Variants in TBC1D16 observed in about 807,000 individuals in gnomAD.
The protein encoded by TBC1D16 is CTD-2529O21.1.
TBC1D16 carries 58 observed loss-of-function variants against 74.7 expected under a neutral mutation model. The ratio of observed to expected loss-of-function variants is 0.78; its 90% confidence interval spans 0.63 to 0.97. The LOEUF (loss-of-function observed/expected upper bound fraction) is 0.97, where lower values mean the gene tolerates loss of function less well. Among genes scored for constraint, TBC1D16 ranks in the 50% least tolerant of loss-of-function variants. The probability of loss-of-function intolerance (pLI) is 0.00; values close to 1 mark genes in which losing one functional copy is unlikely to be tolerated. For missense variants in TBC1D16, 1,014 were observed against 1,079.5 expected, an observed-to-expected ratio of 0.94 and a Z score of 0.85; for synonymous variants, 493 against 474.7, an observed-to-expected ratio of 1.04 and a Z score of -0.50.
intron 3 of TBC1D16, among the ~76,000 whole-genome samples, chr17:79,995,206 A>G (rs2035222788): frequency 6.6e-6 from 1 of 151,968 alleles, no homozygotes; most frequent in Non-Finnish European, 1.5e-5. Flanking sequence ...AGGCTGAGGT[A>G]GGAGAATTGC....
chr17:79,979,923 G>A lies in TBC1D16; in HGVS notation c.780-27105C>T, dbSNP rs1347472228. Among the ~76,000 whole-genome samples the A allele has an allele frequency of 1.3e-5, 2 of 152,096 alleles. No individual in the cohort carries two copies. The highest frequency in any genetic ancestry group is 2.9e-5 in the Non-Finnish European group (2 of 68,014). Reference sequence around the variant, plus strand: ...CGGGCCAGAGCTTGGGGCGCAGGAGGCCAAGGTCCAGGTCCCAGACACATC... The same window carrying A: ...CGGGCCAGAGCTTGGGGCGCAGGAGACCAAGGTCCAGGTCCCAGACACATC... On this transcript the variant is annotated intron_variant, in intron 3 of 11. Coordinates refer to ENST00000310924, the MANE Select transcript of TBC1D16 (RefSeq NM_019020.4). The surrounding 1 kb of genome is among the most constrained non-coding windows in gnomAD (Gnocchi z 4.8).
intron 3 of TBC1D16, among the ~76,000 whole-genome samples, chr17:80,003,861 G>C (rs537577084): frequency 6.6e-6 from 1 of 152,242 alleles, no homozygotes; most frequent in South Asian, 2.1e-4. Context: ...ACCAGCCTAG[G>C]CAACAGAGCA....
chr17:79,950,515 C>G lies in TBC1D16; in HGVS notation c.1153G>C (p.Glu385Gln), dbSNP rs756823747. Residue 385 changes from glutamate (E) to glutamine (Q), a missense_variant, in exon 6 of 12, where the codon GAG becomes CAG. Physicochemically the swap from Glu to Gln is conservative, Grantham distance 29. Transcript: ENST00000310924. The surrounding 1 kb of genome is among the most constrained non-coding windows in gnomAD (Gnocchi z 4.6). ...SIRRPKLPSSETHPEESMYKR... is the reference protein window; with the variant it reads ...SIRRPKLPSSQTHPEESMYKR... ...TACATGCTCTCCTCGGGGTGCGTCTCGGAGGACGGCAGCTTGGGGCGGCGG... is the reference window on the plus strand; with the variant it reads ...TACATGCTCTCCTCGGGGTGCGTCTGGGAGGACGGCAGCTTGGGGCGGCGG... The G allele has an allele frequency of 6.2e-7, 1 of 1,613,318 alleles. No homozygotes were observed. Among genetic ancestry groups the G allele is most frequent in the Non-Finnish European group, 8.5e-7 (1 of 1,179,890 alleles).
At chr17:80,027,487 T>C (rs2036617527) in intron 1 of TBC1D16, among the ~76,000 whole-genome samples, 1 of 152,042 alleles carries the variant, frequency 6.6e-6, no homozygotes, top group Admixed American at 6.6e-5. Context: ...TAGTCTCAGC[T>C]ACTCAGGAGG....
At chr17:79,955,323 G>C (rs1487293850) in intron 3 of TBC1D16, among the ~76,000 whole-genome samples, 2 of 152,142 alleles carry the variant, frequency 1.3e-5, no homozygotes, top group African/African-American at 4.8e-5. Context: ...CTCGAGGCCG[G>C]CTGCTGTGGG....
chr17:79,962,684 A>G (rs1283682577), intron 3 of TBC1D16, among the ~76,000 whole-genome samples: 1 of 152,006 alleles, frequency 6.6e-6, no homozygotes, highest in African/African-American at 2.4e-5. Flanking sequence ...CTGTAATTCC[A>G]GCACTTTGGG....
intron 3 of TBC1D16, among the ~76,000 whole-genome samples, chr17:79,966,734 T>C (rs899452000): frequency 2.0e-5 from 3 of 152,194 alleles, no homozygotes; most frequent in African/African-American, 7.2e-5. Flanking sequence ...CATTTGTTGA[T>C]ACAAAAACCA....
At chr17:80,015,321 C>T (rs1022097422) in intron 1 of TBC1D16, among the ~76,000 whole-genome samples, 1 of 152,114 alleles carries the variant, frequency 6.6e-6, no homozygotes, top group African/African-American at 2.4e-5. Context: ...ATAATCCCAG[C>T]TACTCGGGAG....
chr17:79,936,227 G>T lies in TBC1D16; in HGVS notation c.*4632C>A, dbSNP rs1173088019. 6.6e-6 allele frequency: 1 copy of T among 152,300 alleles called. No homozygotes were observed. Among genetic ancestry groups the T allele is most frequent in the Non-Finnish European group, 1.5e-5 (1 of 68,080 alleles). 9.4% of individuals were successfully genotyped at this position (152,300 alleles called of 1,614,324 possible). On this transcript the variant is annotated 3_prime_UTR_variant, in exon 12 of 12. Transcript: ENST00000310924. ...TGGGCAGAATGGGGTGCATTTTACAGAAGAGTCACAGAGAGGCTCGCCCTC... is the reference window on the plus strand; with the variant it reads ...TGGGCAGAATGGGGTGCATTTTACATAAGAGTCACAGAGAGGCTCGCCCTC...
intron 3 of TBC1D16, among the ~76,000 whole-genome samples, chr17:79,967,102 C>T (rs2033876384): frequency 6.6e-6 from 1 of 152,008 alleles, no homozygotes; most frequent in African/African-American, 2.4e-5. Context: ...TAAAAAAAAC[C>T]CCACAAATTT....
In TBC1D16 at chr17:79,939,478, C is replaced by G. The variant is rs1227146274; in HGVS notation, c.*1381G>C. On this transcript the variant is annotated 3_prime_UTR_variant, in exon 12 of 12. Coordinates refer to ENST00000310924, the MANE Select transcript of TBC1D16 (RefSeq NM_019020.4). Reference sequence around the variant, plus strand: ...GAGAAAAGCTTTGAGTGGGAAGAAGCCTTCTATCCTGGTCCCCATGATGGT... The same window carrying G: ...GAGAAAAGCTTTGAGTGGGAAGAAGGCTTCTATCCTGGTCCCCATGATGGT... 6.6e-6 allele frequency: 1 copy of G among 152,174 alleles called. No homozygotes were observed. Among genetic ancestry groups the G allele is most frequent in the African/African-American group, 2.4e-5 (1 of 41,428 alleles). 9.4% of individuals were successfully genotyped at this position (152,174 alleles called of 1,614,324 possible). A position where few individuals can be genotyped will look rare whatever the true frequency, so the allele number is the denominator to read the frequency against.
chr17:79,941,937 G>T lies in TBC1D16; in HGVS notation c.2055+123C>A, dbSNP rs2032042025. 3 of 888,066 alleles carry T rather than the reference G, an allele frequency of 3.4e-6. No homozygotes were observed. Among genetic ancestry groups the T allele is most frequent in the Non-Finnish European group, 5.2e-6 (3 of 582,218 alleles). 55.0% of individuals were successfully genotyped at this position (888,066 alleles called of 1,614,324 possible). ...GGAGGGCACGTGCTGGGGGGCCATGGTGGGGATGGGGCTCTGGGGGCGGGG... is the reference window on the plus strand; with the variant it reads ...GGAGGGCACGTGCTGGGGGGCCATGTTGGGGATGGGGCTCTGGGGGCGGGG... On this transcript the variant is annotated intron_variant, in intron 11 of 11. Coordinates refer to ENST00000310924, the MANE Select transcript of TBC1D16 (RefSeq NM_019020.4). The surrounding 1 kb of genome is among the most constrained non-coding windows in gnomAD (Gnocchi z 4.3).
rs896547065 is a variant in TBC1D16, at chr17:80,020,649, C to T, written c.-62-7040G>A. Reference sequence around the variant, plus strand: ...AACCCTCCATCTTCATAGAATCAGCCGCCATTGCTAGGCATCTGGCTTCCA... The same window carrying T: ...AACCCTCCATCTTCATAGAATCAGCTGCCATTGCTAGGCATCTGGCTTCCA... On this transcript the variant is annotated intron_variant, in intron 1 of 11. Transcript: ENST00000310924. Among the ~76,000 whole-genome samples, 14 of 149,824 alleles carry T rather than the reference C, an allele frequency of 9.3e-5. 1 individual carries two copies. The highest frequency in any genetic ancestry group is 2.6e-4 in the Admixed American group (4 of 15,216).
At position 80,035,406 on chromosome 17, in the gene TBC1D16, G is replaced by A. The variant is rs1472611710; in HGVS notation, c.-63+389C>T. On this transcript the variant is annotated intron_variant, in intron 1 of 11. Coordinates refer to ENST00000310924, the MANE Select transcript of TBC1D16 (RefSeq NM_019020.4). The surrounding 1 kb of genome is among the most constrained non-coding windows in gnomAD (Gnocchi z 5.3). ...TTTGGAGGCTGTGTGGGCGCGCGCC[G>A]GCACCCCACAAGTTCTCATCCGTCT... is the stretch of plus-strand genomic sequence containing the variant. 1.3e-5 allele frequency among the ~76,000 whole-genome samples: 2 copies of A among 151,912 alleles called. No individual in the cohort carries two copies. Among genetic ancestry groups the A allele is most frequent in the East Asian group, 1.9e-4 (1 of 5,160 alleles).
chr17:79,934,080 CAGAG>C lies in TBC1D16; in HGVS notation c.*6775_*6778del, dbSNP rs1251041978. 3 of 152,246 alleles carry C rather than the reference CAGAG, an allele frequency of 2.0e-5. No individual in the cohort carries two copies. Among genetic ancestry groups the C allele is most frequent in the Non-Finnish European group, 4.4e-5 (3 of 68,052 alleles). The allele number at this position is 152,246 out of a possible 1,614,324, so 9.4% of individuals were successfully genotyped here. ...GCCAGCCCTGAGGGCTGCGGGACAACAGAGAGCCGGGCCTGCCCGAGGCACGGCC... is the reference window on the plus strand; with the variant it reads ...GCCAGCCCTGAGGGCTGCGGGACAACAGCCGGGCCTGCCCGAGGCACGGCC... On this transcript the variant is annotated 3_prime_UTR_variant, in exon 12 of 12. Transcript: ENST00000310924.
At position 79,937,340 on chromosome 17, in the gene TBC1D16, C is replaced by G. The variant is rs918312250; in HGVS notation, c.*3519G>C. On this transcript the variant is annotated 3_prime_UTR_variant, in exon 12 of 12. Coordinates refer to ENST00000310924, the MANE Select transcript of TBC1D16 (RefSeq NM_019020.4). ...GCTGGGCAACCTCTGCCAGCCACTACCCCTTAGCCCAAGGGGAGTCCTCAT... is the reference window on the plus strand; with the variant it reads ...GCTGGGCAACCTCTGCCAGCCACTAGCCCTTAGCCCAAGGGGAGTCCTCAT... The G allele has an allele frequency of 3.7e-5, 3 of 80,272 alleles. No individual in the cohort carries two copies. Among genetic ancestry groups the G allele is most frequent in the African/African-American group, 1.1e-4 (3 of 26,178 alleles). 5.0% of individuals were successfully genotyped at this position (80,272 alleles called of 1,614,324 possible). A position where few individuals can be genotyped will look rare whatever the true frequency, so the allele number is the denominator to read the frequency against.
Position 79,979,390 on chromosome 17 carries a change from G to A in TBC1D16, c.780-26572C>T, listed in dbSNP as rs564960100. On this transcript the variant is annotated intron_variant, in intron 3 of 11. Transcript: ENST00000310924. This position sits in a 1 kb window ranked among gnomAD's most constrained non-coding sequence, Gnocchi z 4.8. ...CAAGGGCTCAGGCATCCCCAGTGCC[G>A]CCAATCACGTGGCCCTCTCGAGGTG... 5.3e-5 allele frequency among the ~76,000 whole-genome samples: 8 copies of A among 152,258 alleles called. 1 individual carries two copies. Among genetic ancestry groups the A allele is most frequent in the East Asian group, 1.9e-4 (1 of 5,164 alleles).
At chr17:79,959,508 T>C (rs1409123023) in intron 3 of TBC1D16, among the ~76,000 whole-genome samples, 1 of 152,206 alleles carries the variant, frequency 6.6e-6, no homozygotes, top group Non-Finnish European at 1.5e-5. Flanking sequence ...AAGTTTGGTA[T>C]TGGTGAAAAG....
rs1471599963 is a variant in TBC1D16, at chr17:79,954,861, G to A, written c.780-2043C>T. On this transcript the variant is annotated intron_variant, in intron 3 of 11. Coordinates refer to ENST00000310924, the MANE Select transcript of TBC1D16 (RefSeq NM_019020.4). This position sits in a 1 kb window ranked among gnomAD's most constrained non-coding sequence, Gnocchi z 5.5. ...ACAGCAGAATCCCCCAAACCTGCTT[G>A]TTCCTCCCAGCACACTGTGGCCCAC... Among the ~76,000 whole-genome samples, 1 of 152,024 alleles carries A rather than the reference G, an allele frequency of 6.6e-6. No homozygotes were observed. Among genetic ancestry groups the A allele is most frequent in the Admixed American group, 6.5e-5 (1 of 15,268 alleles).
Sources: gnomAD v4.1 joint callset for allele counts (sites outside exome capture counted in the v4.1 genomes callset) on GRCh38, gnomAD v4.1.1 for gene constraint, Gnocchi (gnomAD v3.1) non-coding constraint, MANE v1.5 for transcripts, NCBI Gene and HGNC (gene_info 2026-07-23, HGNC 2026-07-21) for gene names.